Variants in EML1 observed in about 807,000 individuals in gnomAD.
The protein encoded by EML1 is echinoderm microtubule-associated protein-like 1.
EML1 carries 27 observed loss-of-function variants against 110.4 expected under a neutral mutation model. That is an observed-to-expected ratio of 0.24 (90% CI 0.18 to 0.34). EML1 has a LOEUF of 0.34. Among genes scored for constraint, EML1 ranks in the 10% least tolerant of loss-of-function variants. EML1 has a pLI of 1.00. For missense variants in EML1, 741 were observed against 1,030.9 expected, an observed-to-expected ratio of 0.72 and a Z score of 3.85; for synonymous variants, 344 against 385.8, an observed-to-expected ratio of 0.89 and a Z score of 1.27.
chr14:99,839,577 A>G (rs975722115), intron 1 of EML1, among the ~76,000 whole-genome samples: 2 of 152,200 alleles, frequency 1.3e-5, no homozygotes, highest in African/African-American at 4.8e-5. Context: ...CATCACCACC[A>G]TTATCCAACC....
chr14:99,823,644 C>T (rs967630353), intron 1 of EML1, among the ~76,000 whole-genome samples: 8 of 151,996 alleles, frequency 5.3e-5, no homozygotes, highest in African/African-American at 1.9e-4. Flanking sequence ...GTTCTAGGCT[C>T]TGGGAAAGAG....
intron 1 of EML1, among the ~76,000 whole-genome samples, chr14:99,822,301 CTGTG>C (rs1161614697): frequency 6.6e-6 from 1 of 152,002 alleles, no homozygotes; most frequent in Non-Finnish European, 1.5e-5. Flanking sequence ...GTGCATGTGG[CTGTG>C]TGTGTATGTG....
chr14:99,859,606 C>A (rs1282861484), intron 2 of EML1, among the ~76,000 whole-genome samples: 1 of 152,150 alleles, frequency 6.6e-6, no homozygotes, highest in Non-Finnish European at 1.5e-5. Context: ...GGGACTGGCG[C>A]CCCGGCCCCT....
At chr14:99,760,910 C>T (rs1234600825) in intron 1 of EML1, among the ~76,000 whole-genome samples, 1 of 152,092 alleles carries the variant, frequency 6.6e-6, no homozygotes, top group Non-Finnish European at 1.5e-5. Flanking sequence ...TTGCTCTCTG[C>T]TACCCATGGA....
chr14:99,877,470 G>A (rs1262977543), intron 3 of EML1, among the ~76,000 whole-genome samples: 1 of 152,116 alleles, frequency 6.6e-6, no homozygotes, highest in Non-Finnish European at 1.5e-5. Flanking sequence ...CCTAGAGCAG[G>A]CTCTTTCCAT....
At chr14:99,873,501 G>A (rs569195174) in intron 3 of EML1, among the ~76,000 whole-genome samples, 3 of 152,318 alleles carry the variant, frequency 2.0e-5, no homozygotes, top group African/African-American at 7.2e-5. Flanking sequence ...AAACGTAGGT[G>A]ATAAATCCAT....
chr14:99,747,471 G>C (rs1328165168), intron 1 of EML1, among the ~76,000 whole-genome samples: 1 of 152,126 alleles, frequency 6.6e-6, no homozygotes, highest in Admixed American at 6.5e-5. Context: ...CCTAAAGTGG[G>C]TTTGGGGCCA....
At chr14:99,849,428 A>G (rs1447281593) in intron 1 of EML1, among the ~76,000 whole-genome samples, 3 of 151,940 alleles carry the variant, frequency 2.0e-5, no homozygotes, top group African/African-American at 7.3e-5. Flanking sequence ...GTTTGACTAT[A>G]ATGTACCTTG....
At chr14:99,901,945 A>G (rs897234465) in intron 9 of EML1, among the ~76,000 whole-genome samples, 4 of 152,032 alleles carry the variant, frequency 2.6e-5, no homozygotes, top group Non-Finnish European at 4.4e-5. Flanking sequence ...CCTCCCTTTT[A>G]TAAGAGAATC....
chr14:99,890,178 G>A (rs73360350), intron 4 of EML1, among the ~76,000 whole-genome samples: 4,696 of 152,194 alleles, frequency 0.031, 229 homozygotes, highest in African/African-American at 0.11. Context: ...CAGCATTTAA[G>A]GCACTATGGT....
chr14:99,922,174 T>C (rs2060141122), intron 17 of EML1, among the ~76,000 whole-genome samples: 1 of 152,288 alleles, frequency 6.6e-6, no homozygotes, highest in African/African-American at 2.4e-5. Context: ...ATTTTTTTTT[T>C]TTGAGACAGA....
upstream of EML1, among the ~76,000 whole-genome samples, chr14:99,769,079 T>C (rs1470536494): frequency 6.6e-6 from 1 of 152,038 alleles, no homozygotes; most frequent in African/African-American, 2.4e-5. Context: ...TGGTATTGGT[T>C]GGTGGTTTCG....
At chr14:99,771,289 A>G (rs529301785), upstream of EML1, among the ~76,000 whole-genome samples, 7 of 152,098 alleles carry the variant, frequency 4.6e-5, no homozygotes, top group South Asian at 8.3e-4. Flanking sequence ...TCCTGTCTCT[A>G]TGGTTTTGCC....
Position 99,939,583 on chromosome 14 carries a change from C to T in EML1, c.2322+256C>T, listed in dbSNP as rs867683078. Among the ~76,000 whole-genome samples, 5 of 152,154 alleles carry T rather than the reference C, an allele frequency of 3.3e-5. No individual in the cohort carries two copies. Among genetic ancestry groups the T allele is most frequent in the African/African-American group, 1.2e-4 (5 of 41,428 alleles). On this transcript the variant is annotated intron_variant, in intron 21 of 21. Coordinates refer to ENST00000262233, the MANE Select transcript of EML1 (RefSeq NM_004434.3). The surrounding 1 kb of genome is among the most constrained non-coding windows in gnomAD (Gnocchi z 4.2). ...AGGCTCACGACCCCGCCCTCCCCCA[C>T]GGCTCCCTTGCTCCGGCCCTGCTCA... is the stretch of plus-strand genomic sequence containing the variant.
intron 12 of EML1, 46 bp downstream of exon 12, chr14:99,910,387 TA>T: frequency 6.9e-7 from 1 of 1,457,784 alleles, no homozygotes; most frequent in South Asian, 1.2e-5. Flanking sequence ...GGTAATGTTG[TA>T]AGAGATCAAA....
At chr14:99,871,713 A>G (rs1480527561) in intron 3 of EML1, among the ~76,000 whole-genome samples, 1 of 152,208 alleles carries the variant, frequency 6.6e-6, no homozygotes, top group Non-Finnish European at 1.5e-5. Flanking sequence ...TGAGGATAGG[A>G]CTGAGTTGCT....
At chr14:99,793,356 A>C (rs2057704320), upstream of EML1, 4 of 986,824 alleles carry the variant, frequency 4.1e-6, no homozygotes, top group Admixed American at 6.3e-5. Context: ...CGGCAGCAGC[A>C]GCCGCCACAG....
intron 17 of EML1, among the ~76,000 whole-genome samples, chr14:99,935,469 GAAAAAA>G (rs796960608): frequency 1.4e-5 from 2 of 139,104 alleles, no homozygotes; most frequent in Non-Finnish European, 3.1e-5. Flanking sequence ...TGTCTCAAAA[GAAAAAA>G]AAAAAGAGTT....
chr14:99,738,533 G>A (rs955793324), intron 1 of EML1, among the ~76,000 whole-genome samples: 35 of 152,324 alleles, frequency 2.3e-4, no homozygotes, highest in African/African-American at 7.5e-4. Flanking sequence ...TGGGGGCTGG[G>A]GACGGCCAAA....
Sources: allele counts gnomAD v4.1 joint callset (sites outside exome capture counted in the v4.1 genomes callset), GRCh38; gene constraint gnomAD v4.1.1; non-coding constraint Gnocchi (gnomAD v3.1); transcripts MANE v1.5; gene names NCBI Gene and HGNC (gene_info 2026-07-23, HGNC 2026-07-21).